Variants in TENM4 observed in about 807,000 individuals in gnomAD.
TENM4 encodes teneurin-4.
A neutral mutation model predicts 243.3 loss-of-function variants in TENM4; 82 were observed. That is an observed-to-expected ratio of 0.34 (90% CI 0.28 to 0.40). The LOEUF (loss-of-function observed/expected upper bound fraction) is 0.40, where lower values mean the gene tolerates loss of function less well. Among genes scored for constraint, TENM4 ranks in the 10% least tolerant of loss-of-function variants. The probability of loss-of-function intolerance (pLI) is 1.00; values close to 1 mark genes in which losing one functional copy is unlikely to be tolerated. For synonymous variants in TENM4, 1,412 were observed against 1,456.3 expected (o/e 0.97, Z 0.69); for missense variants, 3,138 against 3,673.3 (o/e 0.85, Z 3.77).
intron 6 of TENM4, among the ~76,000 whole-genome samples, chr11:79,050,546 C>T (rs1224332638): frequency 6.6e-6 from 1 of 152,190 alleles, no homozygotes; most frequent in Non-Finnish European, 1.5e-5. Context: ...GAGGGCTCTT[C>T]TCTCCTCCCT....
At chr11:79,088,237 A>G (rs537212125) in intron 4 of TENM4, among the ~76,000 whole-genome samples, 175 of 152,250 alleles carry the variant, frequency 1.1e-3, no homozygotes, top group Non-Finnish European at 2.0e-3. Context: ...GGGTGATGGT[A>G]TCTAGGGCCC....
At chr11:78,772,701 G>A (rs907455621) in intron 17 of TENM4, among the ~76,000 whole-genome samples, 2 of 150,414 alleles carry the variant, frequency 1.3e-5, no homozygotes, top group African/African-American at 2.5e-5. Flanking sequence ...ATAGTTGACT[G>A]TTATTCCAAA....
intron 14 of TENM4, 69 bp downstream of exon 14, chr11:78,812,053 C>T (rs183176269): frequency 2.7e-6 from 4 of 1,494,984 alleles, no homozygotes; most frequent in Non-Finnish European, 3.6e-6. Context: ...TCCCTGGTCA[C>T]CCTCTTGGCA....
At chr11:79,302,315 A>T (rs1168412286) in intron 1 of TENM4, among the ~76,000 whole-genome samples, 1 of 152,140 alleles carries the variant, frequency 6.6e-6, no homozygotes, top group African/African-American at 2.4e-5. Context: ...CTCTCCATGT[A>T]CAAAACTCAA....
intron 1 of TENM4, among the ~76,000 whole-genome samples, chr11:79,321,213 C>G (rs1856882956): frequency 6.6e-6 from 1 of 152,116 alleles, no homozygotes; most frequent in Admixed American, 6.5e-5. Flanking sequence ...CCTGGACACA[C>G]CAGGACTCCT....
At chr11:79,110,792 A>G (rs1438838580) in intron 4 of TENM4, among the ~76,000 whole-genome samples, 6 of 152,120 alleles carry the variant, frequency 3.9e-5, no homozygotes, top group Non-Finnish European at 8.8e-5. Context: ...ATGGTATCTG[A>G]GAGATAGGCC....
chr11:79,357,502 T>C (rs1389053492), intron 1 of TENM4, among the ~76,000 whole-genome samples: 1 of 152,232 alleles, frequency 6.6e-6, no homozygotes, highest in Non-Finnish European at 1.5e-5. Context: ...GCATTCTGCC[T>C]TAATCCAACT....
chr11:78,981,756 C>T (rs78591219), intron 6 of TENM4, among the ~76,000 whole-genome samples: 1,755 of 152,202 alleles, frequency 0.012, 43 homozygotes, highest in African/African-American at 0.041. Context: ...GTTTGAGTTG[C>T]GGTTTTGCAT....
chr11:79,422,405 CT>C (rs749794565), intron 1 of TENM4, among the ~76,000 whole-genome samples: 4 of 152,080 alleles, frequency 2.6e-5, no homozygotes, highest in Non-Finnish European at 4.4e-5. Context: ...GGGCAATTTA[CT>C]TACCATCTCT....
chr11:78,676,519 G>C (rs1180039966), intron 29 of TENM4, 132 bp from the exon 30 acceptor site: 2 of 557,606 alleles, frequency 3.6e-6, no homozygotes, highest in African/African-American at 3.7e-5. Context: ...CATCACTGAA[G>C]AAAGCGAGGA....
intron 1 of TENM4, among the ~76,000 whole-genome samples, chr11:79,339,759 G>A (rs889516457): frequency 1.3e-5 from 2 of 152,160 alleles, no homozygotes; most frequent in Non-Finnish European, 2.9e-5. Flanking sequence ...AAAAGAGAAA[G>A]ATGGAGGAGA....
At chr11:79,169,659 C>A (rs1445265004) in intron 3 of TENM4, among the ~76,000 whole-genome samples, 4 of 152,106 alleles carry the variant, frequency 2.6e-5, no homozygotes, top group Non-Finnish European at 5.9e-5. Context: ...ATGATGAGAC[C>A]AATACTTAAC....
intron 1 of TENM4, among the ~76,000 whole-genome samples, chr11:79,417,586 C>G (rs1858845402): frequency 6.6e-6 from 1 of 151,880 alleles, no homozygotes; most frequent in Non-Finnish European, 1.5e-5. Flanking sequence ...GTTTATGCCC[C>G]ATGTCCAAAG....
intron 28 of TENM4, among the ~76,000 whole-genome samples, chr11:78,689,859 T>C (rs1023729058): frequency 5.3e-5 from 8 of 152,186 alleles, no homozygotes; most frequent in Non-Finnish European, 1.0e-4. Flanking sequence ...CTTCTGAATA[T>C]ATCACCCCTG....
At position 78,812,239 on chromosome 11, in the gene TENM4, C is replaced by T. The variant is rs76738817; in HGVS notation, c.1861G>A (p.Ala621Thr). ...RCLCHSGWKG[A>T]ECDVPTNQCI... is the part of the protein sequence containing the mutation. ...TGGTTGGTGGGCACATCGCACTCAG[C>T]GCCTTTCCAGCCACTGTGGCACAAG... Residue 621 changes from alanine (A) to threonine (T), a missense_variant, in exon 14 of 34, where the codon GCT (alanine) becomes ACT (threonine). This residue lies in a region of TENM4 where 2,467 missense variants were observed against 3,059.1 expected (regional missense o/e 0.81). Transcript: ENST00000278550. 135 of 1,551,976 alleles carry T rather than the reference C, an allele frequency of 8.7e-5. 1 individual carries two copies. The highest frequency in any genetic ancestry group is 3.0e-4 in the African/African-American group (22 of 73,184).
chr11:78,732,486 A>G lies in TENM4; in HGVS notation c.2968T>C (p.Trp990Arg), dbSNP rs755164200. ...ITQEHTLWLP[W>R]DRFFVMETII... Reference sequence around the variant, plus strand: ...GTTTCCATGACAAAGAAGCGATCCCATGGCAGCCACAGGGTGTGCTCCTGT... The same window carrying G: ...GTTTCCATGACAAAGAAGCGATCCCGTGGCAGCCACAGGGTGTGCTCCTGT... Residue 990 changes from tryptophan to arginine, a missense_variant, in exon 21 of 34, where the codon TGG becomes CGG. By Grantham distance (101) the Trp-to-Arg change is moderately radical. Around this residue, in one of 2 missense-constraint regions of TENM4, gnomAD observed 2,467 missense variants for 3,059.1 expected, o/e 0.81. Transcript: ENST00000278550. 1 of 1,613,772 alleles carries G rather than the reference A, an allele frequency of 6.2e-7. No homozygotes were observed. The highest frequency in any genetic ancestry group is 1.7e-5 in the Admixed American group (1 of 59,998).
chr11:78,670,336 G>A lies in TENM4; in HGVS notation c.6009C>T (p.Tyr2003=), dbSNP rs1858290294. The A allele has an allele frequency of 1.2e-6, 2 of 1,613,940 alleles. No individual in the cohort carries two copies. Among genetic ancestry groups the A allele is most frequent in the East Asian group, 2.2e-5 (1 of 44,854 alleles). ...ATATCACCCTGCGGCCAGTGCCCAG[G>A]TAGAAGGTGTGAAGGAGGTGCCCAT... ...TEDGHLLHTF[Y]LGTGRRVIYK... is the part of the protein sequence containing the mutation. The change falls in exon 32 of 34, where the codon TAC becomes TAT. Residue 2003 remains tyrosine (Y), a synonymous_variant. Coordinates refer to ENST00000278550, the MANE Select transcript of TENM4 (RefSeq NM_001098816.3).
At chr11:79,196,098 G>T (rs1010954214) in intron 3 of TENM4, among the ~76,000 whole-genome samples, 2 of 151,942 alleles carry the variant, frequency 1.3e-5, no homozygotes, top group African/African-American at 4.8e-5. Context: ...AGTGCCTTTC[G>T]CCTCCCACCA....
At position 78,669,116 on chromosome 11, in the gene TENM4, A is replaced by C; in HGVS notation, c.7229T>G (p.Leu2410Arg). 6.2e-7 allele frequency: 1 copy of C among 1,613,786 alleles called. No homozygotes were observed. Among genetic ancestry groups the C allele is most frequent in the Non-Finnish European group, 8.5e-7 (1 of 1,179,800 alleles). ...CCGGCCCATGTGGACAAGCTTGGTGAGTGGATCATAGAGGCCACCATGGTA... is the reference window on the plus strand; with the variant it reads ...CCGGCCCATGTGGACAAGCTTGGTGCGTGGATCATAGAGGCCACCATGGTA... The part of the protein sequence containing the change: ...IGYHGGLYDP[L>R]TKLVHMGRRD... The change falls in exon 32 of 34, where the codon CTC (leucine) becomes CGC (arginine). Residue 2410 changes from leucine to arginine, a missense_variant. By Grantham distance (102) the Leu-to-Arg change is moderately radical. Coordinates refer to ENST00000278550, the MANE Select transcript of TENM4 (RefSeq NM_001098816.3). The surrounding 1 kb of genome is among the most constrained non-coding windows in gnomAD (Gnocchi z 6.4).
Sources: gnomAD v4.1 joint callset for allele counts (sites outside exome capture counted in the v4.1 genomes callset) on GRCh38, gnomAD v4.1.1 for gene constraint, gnomAD v4.1.1 regional missense constraint, Gnocchi (gnomAD v3.1) non-coding constraint, MANE v1.5 for transcripts, NCBI Gene and HGNC (gene_info 2026-07-23, HGNC 2026-07-21) for gene names.